The following ANP32B variants were observed in gnomAD, a reference collection of about 807,000 sequenced individuals.
The protein encoded by ANP32B is acidic leucine-rich nuclear phosphoprotein 32 family member B.
In ANP32B, 6 loss-of-function variants were observed where a neutral mutation model predicts 32.2. The ratio of observed to expected loss-of-function variants is 0.19; its 90% CI spans 0.10 to 0.37. The LOEUF is 0.37. ANP32B is among the 10% of genes least tolerant of loss of function. ANP32B has a pLI of 1.00. For missense variants in ANP32B, 204 were observed against 289.2 expected, an observed-to-expected ratio of 0.71 and a Z score of 2.14; for synonymous variants, 98 against 105.8, an observed-to-expected ratio of 0.93 and a Z score of 0.45.
chr9:97,986,792 CTGT>C (rs1466826225), intron 1 of ANP32B: 9 of 152,198 alleles, frequency 5.9e-5, no homozygotes, highest in South Asian at 2.1e-4. Flanking sequence ...TGAAGGTATA[CTGT>C]TGTTGTATGA....
chr9:98,007,733 A>C (rs915513713), intron 4 of ANP32B, among the ~76,000 whole-genome samples: 3 of 152,158 alleles, frequency 2.0e-5, no homozygotes, highest in African/African-American at 7.2e-5. Context: ...ATCCATAGAG[A>C]AATGCTGGCT....
At chr9:97,990,872 T>C (rs373881192) in intron 1 of ANP32B, among the ~76,000 whole-genome samples, 10 of 142,574 alleles carry the variant, frequency 7.0e-5, no homozygotes, top group East Asian at 4.2e-4. Flanking sequence ...CAGGCTGGAG[T>C]GCGGTGGCGC....
chr9:97,994,355 A>G (rs1564137105), intron 1 of ANP32B, among the ~76,000 whole-genome samples: 1 of 152,372 alleles, frequency 6.6e-6, no homozygotes, highest in Admixed American at 6.5e-5. Flanking sequence ...CGCTTACTTC[A>G]CTTATATCTT....
intron 1 of ANP32B, among the ~76,000 whole-genome samples, chr9:97,994,282 A>T (rs911366851): frequency 2.0e-5 from 3 of 152,204 alleles, no homozygotes; most frequent in Non-Finnish European, 2.9e-5. Context: ...TTCATTCTGC[A>T]TTTGCATTTA....
At chr9:98,005,512 G>T (rs1347378559) in intron 4 of ANP32B, among the ~76,000 whole-genome samples, 1 of 151,784 alleles carries the variant, frequency 6.6e-6, no homozygotes, top group Non-Finnish European at 1.5e-5. Context: ...AGACAGACAG[G>T]GTGTCTCAAA....
intron 3 of ANP32B, 40 bp from the exon 4 acceptor site, chr9:98,004,924 C>G (rs765495319): frequency 6.6e-7 from 1 of 1,508,980 alleles, no homozygotes; most frequent in Non-Finnish European, 9.0e-7. Flanking sequence ...ACTTATATTC[C>G]TTTGGTTTAG....
At chr9:98,007,657 C>A (rs964596409) in intron 4 of ANP32B, among the ~76,000 whole-genome samples, 1 of 152,162 alleles carries the variant, frequency 6.6e-6, no homozygotes, top group Non-Finnish European at 1.5e-5. Context: ...CATGGCTGGA[C>A]GGCTTTCTGG....
rs1828199806 is a variant in ANP32B at position 98,012,346 on chromosome 9, T to C, written c.637-75T>C. 2.0e-5 allele frequency: 31 copies of C among 1,528,780 alleles called. No homozygotes were observed. In the South Asian group the frequency reaches 3.4e-4, roughly 17 times the overall value. The allele number at this position is 1,528,780 out of a possible 1,614,324, so 94.7% of individuals were successfully genotyped here. Reference sequence around the variant, plus strand: ...TTGCATTTATTTGTACTTCTTAGTTTGGCAGAATTTGTACTATATGCACTT... The same window carrying C: ...TTGCATTTATTTGTACTTCTTAGTTCGGCAGAATTTGTACTATATGCACTT... On this transcript the variant is annotated intron_variant, in intron 5 of 6. Transcript: ENST00000339399.
In ANP32B at chr9:97,983,691, T is replaced by G. The variant is rs1473619567; in HGVS notation, c.54+82T>G. The G allele has an allele frequency of 1.6e-5, 19 of 1,177,336 alleles. No individual in the cohort carries two copies. In the Admixed American group the frequency reaches 4.8e-4, roughly 30 times the overall value. The allele number at this position is 1,177,336 out of a possible 1,614,324, so 72.9% of individuals were successfully genotyped here. On this transcript the variant is annotated intron_variant, in intron 1 of 6. Transcript: ENST00000339399. ...CCACCTGCGGGGCCCGGGCTGAGGGTTCGCCGGCCCCGGCGCGGGGAAGAG... is the reference window on the plus strand; with the variant it reads ...CCACCTGCGGGGCCCGGGCTGAGGGGTCGCCGGCCCCGGCGCGGGGAAGAG...
chr9:97,983,360 T>G lies in ANP32B; in HGVS notation c.-196T>G. The G allele has an allele frequency of 1.8e-6, 1 of 544,434 alleles. No homozygotes were observed. The highest frequency in any genetic ancestry group is 2.3e-5 in the South Asian group (1 of 43,632). 33.7% of individuals were successfully genotyped at this position (544,434 alleles called of 1,614,324 possible). A position where few individuals can be genotyped will look rare whatever the true frequency, so the allele number is the denominator to read the frequency against. ...AGCCCCCTTTTCCCTCCATGGTTTC[T>G]CTCCGCTCCCGTGAGTAACTTGGCT... On this transcript the variant is annotated 5_prime_UTR_variant, in exon 1 of 7. Coordinates refer to ENST00000339399, the MANE Select transcript of ANP32B (RefSeq NM_006401.3).
chr9:98,009,842 G>C (rs942865406), intron 4 of ANP32B, among the ~76,000 whole-genome samples: 1 of 152,218 alleles, frequency 6.6e-6, no homozygotes, highest in Non-Finnish European at 1.5e-5. Context: ...CAAGGAGTTT[G>C]GGTGCAGTTA....
intron 2 of ANP32B, 126 bp downstream of exon 2, chr9:97,994,906 A>G: frequency 4.4e-6 from 4 of 913,804 alleles, no homozygotes; most frequent in Non-Finnish European, 6.3e-6. Context: ...CAGATATGGG[A>G]TTGAATTCTA....
At chr9:97,997,827 C>CT (rs1207861476) in intron 2 of ANP32B, among the ~76,000 whole-genome samples, 2 of 152,226 alleles carry the variant, frequency 1.3e-5, no homozygotes, top group African/African-American at 4.8e-5. Flanking sequence ...TCCTTCTACT[C>CT]TAAGATTCTA....
chr9:98,004,591 G>C (rs1232417280), intron 3 of ANP32B, among the ~76,000 whole-genome samples: 1 of 152,138 alleles, frequency 6.6e-6, no homozygotes, highest in Non-Finnish European at 1.5e-5. Context: ...TGATACCCAG[G>C]AAGTTCTTAA....
chr9:97,991,396 C>G lies in ANP32B; in HGVS notation c.55-3235C>G, dbSNP rs568685339. On this transcript the variant is annotated intron_variant, in intron 1 of 6. Transcript: ENST00000339399. The stretch of plus-strand genomic sequence containing the variant: ...TCCCAAAATACTGGGATTGTAGGCA[C>G]TAGCCACTGCACCTGGCCTTGAACA... Among the ~76,000 whole-genome samples, 48 of 152,304 alleles carry G rather than the reference C, an allele frequency of 3.2e-4. 1 individual carries two copies. Among genetic ancestry groups the G allele is most frequent in the African/African-American group, 1.1e-3 (47 of 41,564 alleles).
intron 3 of ANP32B, among the ~76,000 whole-genome samples, chr9:98,001,548 A>C (rs1303186214): frequency 6.6e-6 from 1 of 152,202 alleles, no homozygotes; most frequent in Non-Finnish European, 1.5e-5. Flanking sequence ...ACTGTTGGCC[A>C]GTTGATGACT....
intron 1 of ANP32B, among the ~76,000 whole-genome samples, chr9:97,992,256 A>T (rs1296415062): frequency 1.3e-5 from 2 of 151,822 alleles, no homozygotes; most frequent in Non-Finnish European, 2.9e-5. Flanking sequence ...TGCCTGGCTT[A>T]TTTTTGTATT....
rs1010320377 is a variant in ANP32B, at chr9:97,991,515, T to TA, written c.55-3108dup. The stretch of plus-strand genomic sequence containing the variant: ...GTATTTATTTTTTCCTCACTTAGGG[T>TA]AAAAAAAATAGAAGATATCCTCAAG... On this transcript the variant is annotated intron_variant, in intron 1 of 6. Coordinates refer to ENST00000339399, the MANE Select transcript of ANP32B (RefSeq NM_006401.3). Among the ~76,000 whole-genome samples the TA allele has an allele frequency of 4.6e-4, 70 of 151,608 alleles. 1 individual carries two copies. The highest frequency in any genetic ancestry group is 3.6e-4 in the African/African-American group (15 of 41,338).
At chr9:97,990,787 A>T (rs1827811273) in intron 1 of ANP32B, among the ~76,000 whole-genome samples, 2 of 140,526 alleles carry the variant, frequency 1.4e-5, no homozygotes, top group African/African-American at 2.6e-5. Context: ...CATTTTTAAT[A>T]TGCACTTTTA....
Sources: gnomAD v4.1 joint callset for allele counts (sites outside exome capture counted in the v4.1 genomes callset) on GRCh38, gnomAD v4.1.1 for gene constraint, MANE v1.5 for transcripts, NCBI Gene and HGNC (gene_info 2026-07-23, HGNC 2026-07-21) for gene names.